ATAD2B: variants seen among roughly 807,000 people sequenced by gnomAD.
ATAD2B encodes the protein ATPase family AAA domain-containing protein 2B.
Under a neutral mutation model 167.6 loss-of-function variants are expected in ATAD2B, and 40 were observed. That is an observed-to-expected ratio of 0.24 (90% CI 0.19 to 0.31). The LOEUF is 0.31. ATAD2B is among the 10% of genes least tolerant of loss of function. The pLI, the probability that ATAD2B is intolerant of heterozygous loss-of-function variation, is 1.00. For synonymous variants in ATAD2B, 579 were observed against 596.5 expected (o/e 0.97, Z 0.43); for missense variants, 1,242 against 1,757.2 (o/e 0.71, Z 5.24).
In ATAD2B at chr2:23,819,828, A is replaced by G; in HGVS notation, c.2186T>C (p.Phe729Ser). ...TGATCCTGAGTGACAATTGGTCTCA[A>G]AAATTGATAAAGCATTTTCATCTTC... The part of the protein sequence containing the change: ...DSEDENALSI[F>S]ETNCHSGSPK... Residue 729 changes from phenylalanine (F) to serine (S), a missense_variant, in exon 17 of 28, where the codon TTT (phenylalanine) becomes TCT (serine). Physicochemically the swap from Phe to Ser is radical, Grantham distance 155. Around this residue, in one of 9 missense-constraint regions of ATAD2B, gnomAD observed 145 missense variants for 181.9 expected, o/e 0.80. Coordinates refer to ENST00000238789, the MANE Select transcript of ATAD2B (RefSeq NM_017552.4). 1 of 1,599,090 alleles carries G rather than the reference A, an allele frequency of 6.3e-7. No homozygotes were observed. Among genetic ancestry groups the G allele is most frequent in the South Asian group, 1.1e-5 (1 of 90,602 alleles).
At chr2:23,789,922 A>G (rs1283048094) in intron 19 of ATAD2B, among the ~76,000 whole-genome samples, 1 of 152,190 alleles carries the variant, frequency 6.6e-6, no homozygotes, top group African/African-American at 2.4e-5. Context: ...CAGCTCTGAA[A>G]TTCTAAGAGA....
the ATAD2B span, chr2:23,684,298 T>C: frequency 2.3e-6 from 2 of 875,548 alleles, no homozygotes; most frequent in Admixed American, 7.5e-5. This position sits in a 1 kb window ranked among gnomAD's most constrained non-coding sequence, Gnocchi z 4.4. Context: ...AAGTATTTCC[T>C]ATTTCTCTAC....
chr2:23,696,947 G>A, the ATAD2B span: 12 of 165,502 alleles, frequency 7.3e-5, no homozygotes, highest in Admixed American at 2.8e-4. The surrounding 1 kb of genome is among the most constrained non-coding windows in gnomAD (Gnocchi z 5.5). Context: ...TGCCAGTGGC[G>A]GTGCCTCCTT....
intron 19 of ATAD2B, among the ~76,000 whole-genome samples, chr2:23,796,594 C>G (rs1001030485): frequency 6.6e-6 from 1 of 152,126 alleles, no homozygotes; most frequent in East Asian, 1.9e-4. Flanking sequence ...AACTAGAACC[C>G]TCATGTATCC....
the ATAD2B span, chr2:23,707,177 G>C: frequency 6.6e-6 from 1 of 152,408 alleles, no homozygotes; most frequent in Non-Finnish European, 1.5e-5. Context: ...CAAGGCCTAG[G>C]AGGCTGCTGG....
At position 23,894,274 on chromosome 2, in the gene ATAD2B, G is replaced by A. The variant is rs984048706; in HGVS notation, c.368+1545C>T. Among the ~76,000 whole-genome samples the A allele has an allele frequency of 2.6e-5, 4 of 152,062 alleles. No individual in the cohort carries two copies. The East Asian group carries it at 7.8e-4, about 30-fold the overall frequency. Reference sequence around the variant, plus strand: ...AGGCGGGTGGATCACCTGAGGTCCAGAGTTCAAGACCAGCCTGACCAACAT... The same window carrying A: ...AGGCGGGTGGATCACCTGAGGTCCAAAGTTCAAGACCAGCCTGACCAACAT... On this transcript the variant is annotated intron_variant, in intron 2 of 27. Coordinates refer to ENST00000238789, the MANE Select transcript of ATAD2B (RefSeq NM_017552.4).
intron 5 of ATAD2B, 92 bp from the exon 6 acceptor site, chr2:23,884,965 T>C (rs1224666893): frequency 3.6e-6 from 2 of 561,898 alleles, no homozygotes; most frequent in East Asian, 6.8e-5. Flanking sequence ...CTCAACAAAA[T>C]TTATTGAGCA....
chr2:23,707,734 G>A, the ATAD2B span: 2 of 152,220 alleles, frequency 1.3e-5, no homozygotes, highest in Admixed American at 1.3e-4. Flanking sequence ...TAAAGCACAG[G>A]AGACTATTTT....
chr2:23,680,831 C>T, the ATAD2B span, among the ~76,000 whole-genome samples: 2 of 152,108 alleles, frequency 1.3e-5, no homozygotes, highest in Non-Finnish European at 2.9e-5. The surrounding 1 kb of genome is among the most constrained non-coding windows in gnomAD (Gnocchi z 4.1). Context: ...AGGCCATCAT[C>T]TTCTCCCGCA....
the ATAD2B span, among the ~76,000 whole-genome samples, chr2:23,736,583 A>T: frequency 2.0e-5 from 3 of 152,196 alleles, no homozygotes; most frequent in African/African-American, 4.8e-5. Context: ...TGGCCAAATA[A>T]GAACAGCTCC....
At chr2:23,788,149 T>C (rs567963031) in intron 20 of ATAD2B, 119 of 190,618 alleles carry the variant, frequency 6.2e-4, no homozygotes, top group South Asian at 5.0e-3. Context: ...CAAAAAGTAA[T>C]GAGCACAACA....
At chr2:23,872,183 GT>G in intron 8 of ATAD2B, 1 of 304,200 alleles carries the variant, frequency 3.3e-6, no homozygotes, top group South Asian at 3.2e-5. Flanking sequence ...GCCTGTTTCT[GT>G]TTTTATTTTT....
intron 12 of ATAD2B, among the ~76,000 whole-genome samples, chr2:23,858,361 T>C (rs1046908944): frequency 6.6e-6 from 1 of 151,964 alleles, no homozygotes; most frequent in Non-Finnish European, 1.5e-5. Flanking sequence ...CCTCAGGTAA[T>C]CCACCCACCT....
chr2:23,763,636 G>A (rs1677033144), intron 23 of ATAD2B, among the ~76,000 whole-genome samples: 2 of 152,112 alleles, frequency 1.3e-5, no homozygotes, highest in Non-Finnish European at 2.9e-5. Context: ...GTCACCCAGG[G>A]TGGACTGCAG....
Position 23,754,680 on chromosome 2 carries a change from C to T in ATAD2B, c.4173G>A (p.Val1391=), listed in dbSNP as rs750368977. ...ELVPEEPSEP[V]PPLIVDRERL... ...TCTCACGATCAACTATAAGAGGAGG[C>T]ACAGGCTCAGATGGCTCTTCTGGAA... The change falls in exon 26 of 28, where the codon GTG becomes GTA. Residue 1391 remains valine (V), a synonymous_variant. Coordinates refer to ENST00000238789, the MANE Select transcript of ATAD2B (RefSeq NM_017552.4). 2 of 1,612,912 alleles carry T rather than the reference C, an allele frequency of 1.2e-6. No individual in the cohort carries two copies. The highest frequency in any genetic ancestry group is 1.7e-6 in the Non-Finnish European group (2 of 1,179,324).
chr2:23,847,444 G>T (rs1020439592), intron 13 of ATAD2B, among the ~76,000 whole-genome samples: 5 of 151,994 alleles, frequency 3.3e-5, no homozygotes, highest in Admixed American at 6.6e-5. Context: ...GGCGGAGGTT[G>T]CCATGAGCAG....
intron 1 of ATAD2B, chr2:23,900,655 T>A (rs917855197): frequency 4.6e-5 from 7 of 152,228 alleles, no homozygotes; most frequent in African/African-American, 9.7e-5. Flanking sequence ...TATAACATAT[T>A]CAAGACGTAG....
chr2:23,694,294 A>G, the ATAD2B span, among the ~76,000 whole-genome samples: 2 of 152,188 alleles, frequency 1.3e-5, no homozygotes, highest in African/African-American at 2.4e-5. Flanking sequence ...CTTCTCCCAT[A>G]GCCATTTCGC....
the ATAD2B span, among the ~76,000 whole-genome samples, chr2:23,687,705 G>A: frequency 6.6e-6 from 1 of 152,202 alleles, no homozygotes; most frequent in Non-Finnish European, 1.5e-5. Flanking sequence ...GGGTTATGAA[G>A]AATGGGCATT....
Sources: gnomAD v4.1 joint callset for allele counts (sites outside exome capture counted in the v4.1 genomes callset) on GRCh38, gnomAD v4.1.1 for gene constraint, gnomAD v4.1.1 regional missense constraint, Gnocchi (gnomAD v3.1) non-coding constraint, MANE v1.5 for transcripts, NCBI Gene and HGNC (gene_info 2026-07-23, HGNC 2026-07-21) for gene names.